Variants in COL27A1 observed in about 807,000 individuals in gnomAD.
COL27A1 encodes collagen type XXVII alpha 1 chain, also known as collagen alpha-1(XXVII) chain.
A neutral mutation model predicts 251.3 loss-of-function variants in COL27A1; 106 were observed. That is an observed-to-expected ratio of 0.42 (90% CI 0.36 to 0.50). The LOEUF (loss-of-function observed/expected upper bound fraction) is 0.50, where lower values mean the gene tolerates loss of function less well. Among genes scored for constraint, COL27A1 ranks in the 20% least tolerant of loss-of-function variants. COL27A1 has a pLI of 0.00. For missense variants in COL27A1, 2,325 were observed against 2,522.8 expected (o/e 0.92, Z 1.68); for synonymous variants, 1,000 against 986.3 (o/e 1.01, Z -0.26).
At chr9:114,267,190 G>A (rs545184196) in intron 33 of COL27A1, among the ~76,000 whole-genome samples, 12 of 152,254 alleles carry the variant, frequency 7.9e-5, no homozygotes, top group Admixed American at 4.6e-4. Flanking sequence ...TTCCTCCCCC[G>A]TCTTTTTGTG....
At chr9:114,214,936 G>T (rs1402443123) in intron 12 of COL27A1, among the ~76,000 whole-genome samples, 1 of 152,264 alleles carries the variant, frequency 6.6e-6, no homozygotes, top group Non-Finnish European at 1.5e-5. Context: ...CCAGCCAAGG[G>T]TCTCTACGAG....
intron 3 of COL27A1, among the ~76,000 whole-genome samples, chr9:114,175,562 G>A (rs1423621155): frequency 6.6e-6 from 1 of 152,200 alleles, no homozygotes; most frequent in Non-Finnish European, 1.5e-5. Context: ...GCCCGAAGCT[G>A]GGGCCGCCCC....
chr9:114,265,513 G>A (rs375476004), intron 32 of COL27A1, 38 bp downstream of exon 32: 14 of 1,600,880 alleles, frequency 8.7e-6, no homozygotes, highest in South Asian at 3.3e-5. Flanking sequence ...CTTCTTTGCC[G>A]CTGGCACCTG....
In COL27A1 at chr9:114,267,093, C is replaced by T. The variant is rs1834800412; in HGVS notation, c.3448-411C>T. ...TGCAGCCATGCCCACGGTGATAACT[C>T]AGGGCTGCTTCCCACCCGCCTCACG... On this transcript the variant is annotated intron_variant, in intron 33 of 60. Transcript: ENST00000356083. Among the ~76,000 whole-genome samples, 5 of 152,332 alleles carry T rather than the reference C, an allele frequency of 3.3e-5. No homozygotes were observed. In the South Asian group the frequency reaches 1.0e-3, roughly 32 times the overall value.
rs199562710 is a variant in COL27A1 at position 114,240,447 on chromosome 9, C to A, written c.2795C>A (p.Ala932Asp). The change falls in exon 21 of 61, where the codon GCC (alanine) becomes GAC (aspartate). Residue 932 changes from alanine (A) to aspartate (D), a missense_variant. Ala to Asp is a moderately radical substitution (Grantham distance 126). This residue lies in a region of COL27A1 where 662 missense variants were observed against 795.3 expected (regional missense o/e 0.83). Transcript: ENST00000356083. The part of the protein sequence containing the change: ...GPEGMKGKPG[A>D]RGLPGPRGQL... Reference sequence around the variant, plus strand: ...CCTTCTCCCCAGGGTAAGCCTGGAGCCCGAGGCCTGCCGGGACCCCGTGGG... The same window carrying A: ...CCTTCTCCCCAGGGTAAGCCTGGAGACCGAGGCCTGCCGGGACCCCGTGGG... 1.2e-4 allele frequency: 196 copies of A among 1,613,122 alleles called. No individual in the cohort carries two copies. Among genetic ancestry groups the A allele is most frequent in the Admixed American group, 1.7e-4 (10 of 59,968 alleles).
At chr9:114,257,094 TGCTGGGTGATAGCG>T (rs1833969897) in intron 27 of COL27A1, among the ~76,000 whole-genome samples, 1 of 152,168 alleles carries the variant, frequency 6.6e-6, no homozygotes, top group Admixed American at 6.5e-5. Context: ...TTGGAGGGTC[TGCTGGGTGATAGCG>T]GCTGGGTTCA....
At chr9:114,154,114 C>T (rs1297882949), upstream of COL27A1, among the ~76,000 whole-genome samples, 1 of 152,098 alleles carries the variant, frequency 6.6e-6, no homozygotes, top group Non-Finnish European at 1.5e-5. This position sits in a 1 kb window ranked among gnomAD's most constrained non-coding sequence, Gnocchi z 5.8. Flanking sequence ...ATGAGCCGCC[C>T]CCAGCTCTCG....
chr9:114,177,302 C>T (rs1342804194), intron 3 of COL27A1, among the ~76,000 whole-genome samples: 3 of 152,216 alleles, frequency 2.0e-5, no homozygotes, highest in African/African-American at 7.2e-5. Flanking sequence ...GAGATGAGGA[C>T]ACACAGATGC....
intron 4 of COL27A1, among the ~76,000 whole-genome samples, chr9:114,182,556 GT>G (rs1828014348): frequency 6.6e-6 from 1 of 151,800 alleles, no homozygotes; most frequent in Non-Finnish European, 1.5e-5. Context: ...TACCAGATAC[GT>G]GGGAGGGAAA....
At position 114,310,569 on chromosome 9, in the gene COL27A1, T is replaced by A. The variant is rs1829377331; in HGVS notation, c.5457T>A (p.His1819Gln). ...DGCKVQDGRW[H>Q]QTLFTFRTQD... ...TTCAGGTCCAAGATGGCCGCTGGCA[T>A]CAGACACTCTTCACCTTCCGGACCC... is the stretch of plus-strand genomic sequence containing the variant. The change falls in exon 61 of 61, where the codon CAT becomes CAA. Residue 1819 changes from histidine to glutamine, a missense_variant. Physicochemically the swap from His to Gln is conservative, Grantham distance 24. Coordinates refer to ENST00000356083, the MANE Select transcript of COL27A1 (RefSeq NM_032888.4). 3.1e-6 allele frequency: 5 copies of A among 1,614,086 alleles called. No individual in the cohort carries two copies. Among genetic ancestry groups the A allele is most frequent in the Non-Finnish European group, 4.2e-6 (5 of 1,180,042 alleles).
At chr9:114,258,673 C>G in intron 28 of COL27A1, 79 bp downstream of exon 28, 2 of 1,448,686 alleles carry the variant, frequency 1.4e-6, no homozygotes, top group East Asian at 2.3e-5. Flanking sequence ...CCAGAGACTG[C>G]CTGGGCTTTG....
chr9:114,275,743 G>C lies in COL27A1; in HGVS notation c.3692G>C (p.Gly1231Ala). 1 of 1,548,684 alleles carries C rather than the reference G, an allele frequency of 6.5e-7. No individual in the cohort carries two copies. The highest frequency in any genetic ancestry group is 8.7e-7 in the Non-Finnish European group (1 of 1,146,534). Residue 1231 changes from glycine (G) to alanine (A), a missense_variant, in exon 37 of 61, where the codon GGC becomes GCC. Physicochemically the swap from Gly to Ala is moderately conservative, Grantham distance 60 (BLOSUM62 0). Transcript: ENST00000356083. ...EGLMGEDGPP[G>A]PPGVTGVRGP... ...CTGATGGGTGAGGACGGGCCCCCCGGCCCCCCTGGCGTCACTGGTGTCCGG... is the reference window on the plus strand; with the variant it reads ...CTGATGGGTGAGGACGGGCCCCCCGCCCCCCCTGGCGTCACTGGTGTCCGG...
rs1462111695 is a variant in COL27A1 at position 114,205,162 on chromosome 9, T to C, written c.2169+16T>C. 7.4e-6 allele frequency: 12 copies of C among 1,611,490 alleles called. No homozygotes were observed. The highest frequency in any genetic ancestry group is 8.5e-6 in the Non-Finnish European group (10 of 1,179,130). On this transcript the variant is annotated intron_variant, in intron 8 of 60. Coordinates refer to ENST00000356083, the MANE Select transcript of COL27A1 (RefSeq NM_032888.4). ...CGGAGAACAGGTGAGGGCCTCAGCCTCAGCCCTGCCCTGGTCGCTCTCCCT... is the reference window on the plus strand; with the variant it reads ...CGGAGAACAGGTGAGGGCCTCAGCCCCAGCCCTGCCCTGGTCGCTCTCCCT...
At chr9:114,163,663 C>T (rs1161937260) in intron 2 of COL27A1, among the ~76,000 whole-genome samples, 1 of 152,232 alleles carries the variant, frequency 6.6e-6, no homozygotes, top group Admixed American at 6.5e-5. Flanking sequence ...GGCAGGCAGC[C>T]CGGCACGCCG....
chr9:114,179,555 T>G (rs1027158964), intron 4 of COL27A1, among the ~76,000 whole-genome samples: 4 of 152,212 alleles, frequency 2.6e-5, no homozygotes, highest in Non-Finnish European at 5.9e-5. Context: ...GACCACTCCC[T>G]TCTTGGAACT....
chr9:114,226,784 G>C (rs750236932), intron 14 of COL27A1, among the ~76,000 whole-genome samples: 1 of 152,236 alleles, frequency 6.6e-6, no homozygotes, highest in East Asian at 1.9e-4. Flanking sequence ...CCTCAGAGCT[G>C]TGCCCTGTGC....
Position 114,178,294 on chromosome 9 carries a change from C to A in COL27A1, c.1912C>A (p.Pro638Thr). 1.2e-6 allele frequency: 2 copies of A among 1,613,784 alleles called. No individual in the cohort carries two copies. Among genetic ancestry groups the A allele is most frequent in the Non-Finnish European group, 8.5e-7 (1 of 1,179,736 alleles). Residue 638 changes from proline (P) to threonine (T), a missense_variant, in exon 4 of 61, where the codon CCC becomes ACC. By Grantham distance (38) the Pro-to-Thr change is conservative (BLOSUM62 -1). Coordinates refer to ENST00000356083, the MANE Select transcript of COL27A1 (RefSeq NM_032888.4). ...TGTCTTCTTGTTTTCTCCTCAGGGT[C>A]CCCCTGGGCTACCTGGGCTACCTGG... ...GPKGDCGLPG[P>T]PGLPGLPGIP... is the part of the protein sequence containing the mutation.
rs1835454597 is a variant in COL27A1 at position 114,275,725 on chromosome 9, G to A, written c.3674G>A (p.Gly1225Asp). Residue 1225 changes from glycine to aspartate, a missense_variant, in exon 37 of 61, where the codon GGT becomes GAT. By Grantham distance (94) the Gly-to-Asp change is moderately conservative (BLOSUM62 -1). Transcript: ENST00000356083. ...GAGAAAGGCCAGGAAGGGCTGATGG[G>A]TGAGGACGGGCCCCCCGGCCCCCCT... The part of the protein sequence containing the change: ...HGEKGQEGLM[G>D]EDGPPGPPGV... 9.0e-6 allele frequency: 14 copies of A among 1,549,908 alleles called. No individual in the cohort carries two copies. The highest frequency in any genetic ancestry group is 1.2e-5 in the Non-Finnish European group (14 of 1,146,844).
At chr9:114,272,344 C>G (rs1835208715) in intron 36 of COL27A1, 1 of 152,166 alleles carries the variant, frequency 6.6e-6, no homozygotes, top group South Asian at 2.1e-4. Context: ...GCCTGGGTGC[C>G]TCATGCAGTC....
Sources: gnomAD v4.1 joint callset for allele counts (sites outside exome capture counted in the v4.1 genomes callset) on GRCh38, gnomAD v4.1.1 for gene constraint, gnomAD v4.1.1 regional missense constraint, Gnocchi (gnomAD v3.1) non-coding constraint, MANE v1.5 for transcripts, NCBI Gene and HGNC (gene_info 2026-07-23, HGNC 2026-07-21) for gene names.